Variants in COMMD10 observed in about 807,000 individuals in gnomAD.
The protein encoded by COMMD10 is COMM domain containing 10, also known as COMM domain-containing protein 10.
Under a neutral mutation model 28.9 loss-of-function variants are expected in COMMD10, and 33 were observed. That is an observed-to-expected ratio of 1.14 (90% confidence interval 0.87 to 1.53). The LOEUF (loss-of-function observed/expected upper bound fraction) is 1.53, where lower values mean the gene tolerates loss of function less well. COMMD10 is among the 40% of genes most tolerant of loss of function. The pLI is 0.00. For synonymous variants in COMMD10, 110 were observed against 81.7 expected, an observed-to-expected ratio of 1.35 and a Z score of -1.87; for missense variants, 310 against 233.4, an observed-to-expected ratio of 1.33 and a Z score of -2.14.
chr5:116,128,032 A>G (rs952470658), intron 4 of COMMD10, among the ~76,000 whole-genome samples: 1 of 152,132 alleles, frequency 6.6e-6, no homozygotes, highest in African/African-American at 2.4e-5. Flanking sequence ...AGTTCGCAGC[A>G]TAAAAAGTAT....
chr5:116,215,695 A>AATATAT lies in COMMD10; in HGVS notation c.511-75791_511-75786dup, dbSNP rs58135204. ...GAGTGGGAGTCCAGCTAAAAAAAGA[A>AATATAT]ATATATATATATATATATATATATA... is the stretch of plus-strand genomic sequence containing the variant. On this transcript the variant is annotated intron_variant, in intron 5 of 6. Transcript: ENST00000274458. Among the ~76,000 whole-genome samples, 979 of 133,660 alleles carry AATATAT rather than the reference A, an allele frequency of 7.3e-3. 5 individuals carry two copies. Among genetic ancestry groups the AATATAT allele is most frequent in the Non-Finnish European group, 0.012 (759 of 62,230 alleles). The allele number at this position is 133,660 out of a possible 152,430, so 87.7% of individuals were successfully genotyped here.
intron 5 of COMMD10, among the ~76,000 whole-genome samples, chr5:116,228,564 C>T (rs938702039): frequency 6.6e-6 from 1 of 151,680 alleles, no homozygotes; most frequent in African/African-American, 2.4e-5. Context: ...TTTAATAGAC[C>T]GCTGCTTTTC....
chr5:116,290,888 A>G (rs1400103694), intron 5 of COMMD10, among the ~76,000 whole-genome samples: 1 of 152,228 alleles, frequency 6.6e-6, no homozygotes, highest in Non-Finnish European at 1.5e-5. Flanking sequence ...ACAGCATCAT[A>G]CATACATATA....
chr5:116,209,322 T>G (rs1748899974), intron 5 of COMMD10, among the ~76,000 whole-genome samples: 1 of 152,202 alleles, frequency 6.6e-6, no homozygotes. Flanking sequence ...TTTCATTGTT[T>G]TAGAACAGAA....
At chr5:116,118,462 CTG>C (rs34850291) in intron 4 of COMMD10, among the ~76,000 whole-genome samples, 76,422 of 151,788 alleles carry the variant, frequency 0.5, 21,817 homozygotes, top group Non-Finnish European at 0.65. Flanking sequence ...TCCTTACAAA[CTG>C]TGCTATTTTT....
At chr5:116,213,660 C>G (rs1170869989) in intron 5 of COMMD10, among the ~76,000 whole-genome samples, 1 of 152,106 alleles carries the variant, frequency 6.6e-6, no homozygotes, top group Non-Finnish European at 1.5e-5. Flanking sequence ...TTTGCCATCT[C>G]ATTTCCTCAC....
At chr5:116,245,497 A>G (rs1267604861) in intron 5 of COMMD10, among the ~76,000 whole-genome samples, 1 of 152,138 alleles carries the variant, frequency 6.6e-6, no homozygotes, top group Admixed American at 6.6e-5. Flanking sequence ...CTGTGAGGCT[A>G]GCATCACCCT....
intron 5 of COMMD10, among the ~76,000 whole-genome samples, chr5:116,274,428 A>C (rs1250600003): frequency 6.6e-6 from 1 of 151,826 alleles, no homozygotes; most frequent in Non-Finnish European, 1.5e-5. Context: ...GCTGTGTTCC[A>C]ATAAACCTTT....
chr5:116,176,482 G>C (rs951148652), intron 5 of COMMD10, among the ~76,000 whole-genome samples: 1 of 152,234 alleles, frequency 6.6e-6, no homozygotes, highest in Middle Eastern at 3.4e-3. Flanking sequence ...TAACATCTGA[G>C]ATGTGGGTTT....
chr5:116,250,925 G>T (rs1437805515), intron 5 of COMMD10, among the ~76,000 whole-genome samples: 5 of 151,960 alleles, frequency 3.3e-5, no homozygotes. Flanking sequence ...TGACGTTTCT[G>T]TTGTGCCTCT....
chr5:116,236,089 CAG>C (rs1749652873), intron 5 of COMMD10, among the ~76,000 whole-genome samples: 3 of 151,986 alleles, frequency 2.0e-5, no homozygotes, highest in Admixed American at 6.6e-5. Flanking sequence ...GTTATTGTAA[CAG>C]AAGAAGTAGA....
chr5:116,173,847 TTG>T lies in COMMD10; in HGVS notation c.510+39671_510+39672del, dbSNP rs1227527070. 4.1e-3 allele frequency among the ~76,000 whole-genome samples: 411 copies of T among 101,076 alleles called. 1 individual carries two copies. The highest frequency in any genetic ancestry group is 0.022 in the African/African-American group (373 of 16,882). 66.3% of individuals were successfully genotyped at this position (101,076 alleles called of 152,430 possible). Reference sequence around the variant, plus strand: ...GTTTTTGTTTTGTTTTGTTTTGTTTTTGTTTTTTTTTTTTTGGAACAAGGACA... The same window carrying T: ...GTTTTTGTTTTGTTTTGTTTTGTTTTTTTTTTTTTTTTTGGAACAAGGACA... On this transcript the variant is annotated intron_variant, in intron 5 of 6. Coordinates refer to ENST00000274458, the MANE Select transcript of COMMD10 (RefSeq NM_016144.4).
At chr5:116,284,278 A>G (rs903756687) in intron 5 of COMMD10, among the ~76,000 whole-genome samples, 2 of 151,918 alleles carry the variant, frequency 1.3e-5, no homozygotes, top group African/African-American at 4.9e-5. Context: ...TTTTATGCTA[A>G]AGACAGCTAT....
intron 5 of COMMD10, among the ~76,000 whole-genome samples, chr5:116,195,145 G>A (rs530575184): frequency 3.6e-4 from 55 of 152,048 alleles, no homozygotes; most frequent in African/African-American, 1.3e-3. Flanking sequence ...CAACAAAATC[G>A]GCATACAAGG....
chr5:116,110,347 C>G (rs1751003644), intron 4 of COMMD10, among the ~76,000 whole-genome samples: 1 of 151,828 alleles, frequency 6.6e-6, no homozygotes. Context: ...TCGTTGTGTC[C>G]TTGTCTGGTT....
intron 4 of COMMD10, among the ~76,000 whole-genome samples, chr5:116,127,973 G>A (rs10072373): frequency 0.82 from 124,484 of 152,082 alleles, 51,117 homozygotes; most frequent in African/African-American, 0.84. Context: ...TATCAGAGAA[G>A]ACTGCTCTGG....
At chr5:116,125,954 AG>A (rs777016148) in intron 4 of COMMD10, among the ~76,000 whole-genome samples, 12 of 152,186 alleles carry the variant, frequency 7.9e-5, no homozygotes, top group Non-Finnish European at 1.5e-4. Context: ...AAAGAAATAA[AG>A]GGTATTCAGT....
chr5:116,180,925 G>A (rs1747935401), intron 5 of COMMD10, among the ~76,000 whole-genome samples: 1 of 152,024 alleles, frequency 6.6e-6, no homozygotes, highest in Admixed American at 6.6e-5. Context: ...GGCTGAGGCG[G>A]GCAGATTGCC....
chr5:116,250,640 A>C (rs1277773989), intron 5 of COMMD10, among the ~76,000 whole-genome samples: 3 of 151,794 alleles, frequency 2.0e-5, no homozygotes, highest in East Asian at 1.9e-4. Context: ...GTTTTCAAGA[A>C]ATTACTAGGA....
Sources: allele counts gnomAD v4.1 joint callset (sites outside exome capture counted in the v4.1 genomes callset), GRCh38; gene constraint gnomAD v4.1.1; transcripts MANE v1.5; gene names NCBI Gene and HGNC (gene_info 2026-07-23, HGNC 2026-07-21).